KCNMB2: variants seen among roughly 807,000 people sequenced by gnomAD.
The protein encoded by KCNMB2 is calcium-activated potassium channel subunit beta-2.
Under a neutral mutation model 24.5 loss-of-function variants are expected in KCNMB2, and 9 were observed. The ratio of observed to expected loss-of-function variants is 0.37; its 90% CI spans 0.22 to 0.64. The LOEUF (loss-of-function observed/expected upper bound fraction) is 0.64, where lower values mean the gene tolerates loss of function less well. KCNMB2 is among the 30% of genes least tolerant of loss of function. The pLI, the probability that KCNMB2 is intolerant of heterozygous loss-of-function variation, is 0.63. For missense variants in KCNMB2, 226 were observed against 284.3 expected (o/e 0.79, Z 1.47); for synonymous variants, 109 against 104.4 (o/e 1.04, Z -0.27).
chr3:178,779,558 A>G (rs1473714131), intron 1 of KCNMB2, among the ~76,000 whole-genome samples: 2 of 152,104 alleles, frequency 1.3e-5, no homozygotes, highest in Non-Finnish European at 2.9e-5. Context: ...TTCTTTCTCC[A>G]TTTTATCTTT....
chr3:178,744,110 AT>A (rs1723583529), intron 1 of KCNMB2, among the ~76,000 whole-genome samples: 2 of 152,218 alleles, frequency 1.3e-5, no homozygotes, highest in South Asian at 4.1e-4. Context: ...GCTCTTTGAA[AT>A]GTCTATGATC....
At chr3:178,763,681 A>T (rs1197665613) in intron 1 of KCNMB2, among the ~76,000 whole-genome samples, 1 of 152,160 alleles carries the variant, frequency 6.6e-6, no homozygotes, top group Non-Finnish European at 1.5e-5. Flanking sequence ...GGGTAGATGG[A>T]GACAAAATTT....
At chr3:178,826,544 C>G (rs1044721696) in intron 3 of KCNMB2, among the ~76,000 whole-genome samples, 14 of 152,280 alleles carry the variant, frequency 9.2e-5, no homozygotes, top group Middle Eastern at 3.4e-3. Flanking sequence ...TAAATCCCAC[C>G]AGCATCTCTA....
chr3:178,644,225 T>C (rs1719828688), intron 1 of KCNMB2, among the ~76,000 whole-genome samples: 1 of 152,146 alleles, frequency 6.6e-6, no homozygotes, highest in African/African-American at 2.4e-5. Context: ...AGAAACTCTC[T>C]AGATAGAAAG....
At chr3:178,711,760 T>C (rs1293100045) in intron 1 of KCNMB2, among the ~76,000 whole-genome samples, 1 of 150,760 alleles carries the variant, frequency 6.6e-6, no homozygotes, top group Non-Finnish European at 1.5e-5. Flanking sequence ...CTCCACTTAC[T>C]GAGAATTTTC....
intron 1 of KCNMB2, among the ~76,000 whole-genome samples, chr3:178,731,670 G>C (rs987442774): frequency 6.6e-6 from 1 of 152,166 alleles, no homozygotes; most frequent in South Asian, 2.1e-4. Flanking sequence ...TTGGGAGGCC[G>C]AGGTGGGTGG....
chr3:178,637,347 T>A (rs1719564813), intron 1 of KCNMB2, among the ~76,000 whole-genome samples: 1 of 152,200 alleles, frequency 6.6e-6, no homozygotes, highest in African/African-American at 2.4e-5. Flanking sequence ...CCTTTTTCTA[T>A]GTGGCTTCAC....
chr3:178,821,832 G>A (rs1714638821), intron 2 of KCNMB2, among the ~76,000 whole-genome samples: 1 of 152,004 alleles, frequency 6.6e-6, no homozygotes, highest in Non-Finnish European at 1.5e-5. Flanking sequence ...AAATCCTGAA[G>A]TTCTGTCTCA....
chr3:178,815,690 T>G (rs1183586074), intron 2 of KCNMB2, among the ~76,000 whole-genome samples: 2 of 152,128 alleles, frequency 1.3e-5, no homozygotes, highest in African/African-American at 4.8e-5. Context: ...ATTTATCATA[T>G]TAAGGATGTT....
chr3:178,730,405 A>ACCCCCCC (rs71181246), intron 1 of KCNMB2, among the ~76,000 whole-genome samples: 2 of 112,150 alleles, frequency 1.8e-5, no homozygotes, highest in African/African-American at 3.7e-5. Flanking sequence ...GTCCCCCAAC[A>ACCCCCCC]CCCCCCCACA....
chr3:178,740,534 C>G (rs1039858559), intron 1 of KCNMB2, among the ~76,000 whole-genome samples: 1 of 152,156 alleles, frequency 6.6e-6, no homozygotes, highest in African/African-American at 2.4e-5. Flanking sequence ...TGTGTTAAAG[C>G]TTACTTATAT....
chr3:178,557,751 G>A (rs1230637594), intron 1 of KCNMB2, among the ~76,000 whole-genome samples: 2 of 152,208 alleles, frequency 1.3e-5, no homozygotes, highest in East Asian at 3.8e-4. Flanking sequence ...TCTAAGCAGT[G>A]CATTGAGATC....
At chr3:178,550,597 A>G (rs2108454319) in intron 1 of KCNMB2, among the ~76,000 whole-genome samples, 1 of 152,322 alleles carries the variant, frequency 6.6e-6, no homozygotes, top group Admixed American at 6.5e-5. Flanking sequence ...AATGCCATAC[A>G]AAGTTACACA....
intron 2 of KCNMB2, among the ~76,000 whole-genome samples, chr3:178,823,885 T>C (rs932316872): frequency 3.3e-5 from 5 of 151,248 alleles, no homozygotes; most frequent in Admixed American, 3.3e-4. Flanking sequence ...GAAGTTATTC[T>C]TGTGCATATT....
intron 1 of KCNMB2, among the ~76,000 whole-genome samples, chr3:178,760,847 G>A (rs1385941580): frequency 1.3e-5 from 2 of 151,878 alleles, no homozygotes; most frequent in African/African-American, 4.8e-5. Flanking sequence ...GTAAGTGTTG[G>A]CCATTGAAGG....
Position 178,793,514 on chromosome 3 carries a change from T to TG in KCNMB2, c.-67-13822dup, listed in dbSNP as rs764580123. Among the ~76,000 whole-genome samples, 146 of 145,802 alleles carry TG rather than the reference T, an allele frequency of 1.0e-3. 1 individual carries two copies. Among genetic ancestry groups the TG allele is most frequent in the African/African-American group, 2.7e-3 (112 of 40,920 alleles). ...ACCAAGCGGAAGCTGCTCTTCACCC[T>TG]GGGGGGGTGGGCAATGGACAGCAGA... is the stretch of plus-strand genomic sequence containing the variant. On this transcript the variant is annotated intron_variant, in intron 1 of 4. Transcript: ENST00000452583.
chr3:178,756,697 T>C (rs6765974), intron 1 of KCNMB2, among the ~76,000 whole-genome samples: 4,399 of 152,214 alleles, frequency 0.029, 230 homozygotes, highest in African/African-American at 0.1. Flanking sequence ...TATCAGGCAC[T>C]ACTGATGCTA....
intron 1 of KCNMB2, among the ~76,000 whole-genome samples, chr3:178,637,843 G>C (rs1719584741): frequency 6.6e-6 from 1 of 152,048 alleles, no homozygotes; most frequent in Non-Finnish European, 1.5e-5. Flanking sequence ...GTTCCTACTT[G>C]GGTGTTCTAT....
intron 1 of KCNMB2, among the ~76,000 whole-genome samples, chr3:178,629,115 C>G (rs1326729349): frequency 1.3e-5 from 2 of 152,096 alleles, no homozygotes; most frequent in African/African-American, 4.8e-5. Flanking sequence ...CCCCCAACTC[C>G]CTATTTCAGT....
Sources: gnomAD v4.1 joint callset for allele counts (sites outside exome capture counted in the v4.1 genomes callset) on GRCh38, gnomAD v4.1.1 for gene constraint, MANE v1.5 for transcripts, NCBI Gene and HGNC (gene_info 2026-07-23, HGNC 2026-07-21) for gene names.